SPATS2: variants seen among roughly 807,000 people sequenced by gnomAD.
SPATS2 encodes the protein spermatogenesis associated serine rich 2, also known as spermatogenesis-associated serine-rich protein 2.
SPATS2 carries 38 observed loss-of-function variants against 63.7 expected under a neutral mutation model. The observed-to-expected ratio is 0.60, with a 90% CI of 0.46 to 0.78. SPATS2 has a LOEUF of 0.78. SPATS2 is among the 30% of genes least tolerant of loss of function. SPATS2 has a pLI of 0.00. For missense variants in SPATS2, 588 were observed against 666.2 expected (o/e 0.88, Z 1.29); for synonymous variants, 207 against 232.9 (o/e 0.89, Z 1.01).
chr12:49,519,127 A>C lies in SPATS2; in HGVS notation c.953A>C (p.His318Pro), dbSNP rs759697447. 1 of 1,614,158 alleles carries C rather than the reference A, an allele frequency of 6.2e-7. No individual in the cohort carries two copies. Among genetic ancestry groups the C allele is most frequent in the Non-Finnish European group, 8.5e-7 (1 of 1,179,994 alleles). Residue 318 changes from histidine to proline, a missense_variant, in exon 11 of 14, where the codon CAT (histidine) becomes CCT (proline). His to Pro is a moderately conservative substitution (Grantham distance 77, BLOSUM62 -2). Transcript: ENST00000552918. ...KKAELLKKMT[H>P]VAVQMSEQQL... ...GCTGAACTTCTAAAGAAGATGACTC[A>C]TGTGGCTGTTCAAATGTCAGAGCAG... is the stretch of plus-strand genomic sequence containing the variant.
intron 2 of SPATS2, among the ~76,000 whole-genome samples, chr12:49,374,292 C>T (rs1314110500): frequency 6.6e-6 from 1 of 151,984 alleles, no homozygotes; most frequent in African/African-American, 2.4e-5. Flanking sequence ...TGGCAGTCAG[C>T]TAGTTTTAAA....
At chr12:49,475,381 C>CA (rs1158597135) in intron 3 of SPATS2, among the ~76,000 whole-genome samples, 1 of 152,134 alleles carries the variant, frequency 6.6e-6, no homozygotes, top group South Asian at 2.1e-4. Flanking sequence ...CTTGTTGCTA[C>CA]AAAAAAATTA....
chr12:49,401,998 A>G (rs895267593), intron 2 of SPATS2, among the ~76,000 whole-genome samples: 2 of 152,210 alleles, frequency 1.3e-5, no homozygotes, highest in Admixed American at 1.3e-4. Context: ...TGATTGTCTG[A>G]CAGGGTCTCG....
intron 2 of SPATS2, among the ~76,000 whole-genome samples, chr12:49,384,440 C>T (rs912166191): frequency 1.1e-4 from 17 of 152,320 alleles, no homozygotes; most frequent in African/African-American, 3.8e-4. Flanking sequence ...ATACATGGTA[C>T]TGTTCTTACC....
intron 2 of SPATS2, among the ~76,000 whole-genome samples, chr12:49,411,630 T>G (rs1276687162): frequency 6.6e-6 from 1 of 152,216 alleles, no homozygotes; most frequent in African/African-American, 2.4e-5. Flanking sequence ...TATATTTGAT[T>G]TTTTCCTCTT....
At chr12:49,457,922 G>A (rs538768068) in intron 2 of SPATS2, among the ~76,000 whole-genome samples, 1 of 152,278 alleles carries the variant, frequency 6.6e-6, no homozygotes, top group East Asian at 1.9e-4. Flanking sequence ...CAGTGTTCTG[G>A]AAGATGGTAA....
At chr12:49,409,991 G>T (rs1056589632) in intron 2 of SPATS2, among the ~76,000 whole-genome samples, 1 of 152,190 alleles carries the variant, frequency 6.6e-6, no homozygotes, top group African/African-American at 2.4e-5. Context: ...TATACTGTGT[G>T]TGTAGAAAAC....
chr12:49,442,395 A>T (rs986564915), intron 2 of SPATS2: 2 of 152,918 alleles, frequency 1.3e-5, no homozygotes, highest in African/African-American at 4.8e-5. Context: ...CACGGATAAG[A>T]CAGGGTATTT....
intron 2 of SPATS2, among the ~76,000 whole-genome samples, chr12:49,455,584 T>G (rs926336319): frequency 3.3e-5 from 5 of 151,982 alleles, no homozygotes; most frequent in Non-Finnish European, 5.9e-5. Flanking sequence ...ATTTTTAAAT[T>G]TTATTTTTTG....
intron 2 of SPATS2, among the ~76,000 whole-genome samples, chr12:49,456,213 C>G (rs1945716533): frequency 6.6e-6 from 1 of 152,184 alleles, no homozygotes. Flanking sequence ...CAGCCATAGA[C>G]TGCCACTGTT....
intron 2 of SPATS2, among the ~76,000 whole-genome samples, chr12:49,396,904 T>C (rs1163047523): frequency 6.6e-6 from 1 of 152,222 alleles, no homozygotes; most frequent in African/African-American, 2.4e-5. Context: ...TGTAATAGCC[T>C]TTTAAATGAG....
rs1364680013 is a variant in SPATS2, at chr12:49,437,951, TAAAA to T, written c.-243-22815_-243-22812del. On this transcript the variant is annotated intron_variant, in intron 2 of 13. Coordinates refer to ENST00000552918, the MANE Select transcript of SPATS2 (RefSeq NM_023071.4). ...TGAAGTTTTTTCCCTAGATTTTACA[TAAAA>T]AAATTAAAAAGCTTTCAAGTTGTTT... Among the ~76,000 whole-genome samples, 6 of 152,148 alleles carry T rather than the reference TAAAA, an allele frequency of 3.9e-5. No individual in the cohort carries two copies. The East Asian group carries it at 1.2e-3, about 29-fold the overall frequency.
At chr12:49,483,270 A>G (rs1946236509) in intron 3 of SPATS2, among the ~76,000 whole-genome samples, 2 of 151,666 alleles carry the variant, frequency 1.3e-5, no homozygotes, top group Admixed American at 1.3e-4. Flanking sequence ...TGTCCTTCAT[A>G]TCATTCCCAC....
At chr12:49,514,340 A>G in intron 9 of SPATS2, 1 of 499,132 alleles carries the variant, frequency 2.0e-6, no homozygotes, top group Non-Finnish European at 3.5e-6. Context: ...GCAATATAAA[A>G]GGGAATTGGG....
intron 3 of SPATS2, chr12:49,462,427 A>G (rs756057219): frequency 6.7e-5 from 47 of 702,212 alleles, no homozygotes; most frequent in Non-Finnish European, 1.1e-4. Context: ...TCCAGAGGGC[A>G]TGTTACAGTG....
intron 2 of SPATS2, among the ~76,000 whole-genome samples, chr12:49,387,580 T>A (rs1467551015): frequency 7.1e-6 from 1 of 141,280 alleles, no homozygotes; most frequent in Non-Finnish European, 1.5e-5. Context: ...GAGGTTGCAG[T>A]GAGCTGAGAT....
At chr12:49,397,982 T>C (rs1944540790) in intron 2 of SPATS2, among the ~76,000 whole-genome samples, 1 of 149,934 alleles carries the variant, frequency 6.7e-6, no homozygotes, top group African/African-American at 2.5e-5. Flanking sequence ...AAACCCCATC[T>C]CTACAAAAAA....
intron 2 of SPATS2, among the ~76,000 whole-genome samples, chr12:49,457,268 G>T (rs748004879): frequency 4.6e-5 from 7 of 152,010 alleles, no homozygotes; most frequent in Non-Finnish European, 8.8e-5. Flanking sequence ...AGGTTTGATA[G>T]CTGCTATGTC....
At chr12:49,486,287 C>G (rs1410158885) in intron 4 of SPATS2, 2 of 440,032 alleles carry the variant, frequency 4.5e-6, no homozygotes, top group Admixed American at 2.5e-5. Context: ...TCACTGCACA[C>G]CTCCGCCTCC....
Sources: allele counts gnomAD v4.1 joint callset (sites outside exome capture counted in the v4.1 genomes callset), GRCh38; gene constraint gnomAD v4.1.1; transcripts MANE v1.5; gene names NCBI Gene and HGNC (gene_info 2026-07-23, HGNC 2026-07-21).